The following METTL25 variants were observed in gnomAD, a reference collection of about 807,000 sequenced individuals.
METTL25 encodes probable methyltransferase-like protein 25.
METTL25 carries 64 observed loss-of-function variants against 71.6 expected under a neutral mutation model. That is an observed-to-expected ratio of 0.89 (90% CI 0.73 to 1.10). The LOEUF is 1.10. Ranked by LOEUF, METTL25 falls within the 50% of genes least tolerant of loss-of-function variation. METTL25 has a pLI of 0.00. For missense variants in METTL25, 807 were observed against 707.0 expected (o/e 1.14, Z -1.60); for synonymous variants, 287 against 250.3 (o/e 1.15, Z -1.38).
At chr12:82,404,606 G>T (rs747460818) in intron 5 of METTL25, among the ~76,000 whole-genome samples, 33 of 152,004 alleles carry the variant, frequency 2.2e-4, no homozygotes, top group Admixed American at 3.9e-4. Context: ...TGTTCTGTAG[G>T]TACAATGAAA....
intron 9 of METTL25, among the ~76,000 whole-genome samples, chr12:82,471,621 T>A (rs1478302061): frequency 6.6e-6 from 1 of 152,236 alleles, no homozygotes; most frequent in Non-Finnish European, 1.5e-5. Context: ...TATGTCTAAA[T>A]CTTTTTCATC....
intron 9 of METTL25, chr12:82,468,369 G>A (rs1355179720): frequency 1.3e-5 from 2 of 152,182 alleles, no homozygotes; most frequent in African/African-American, 4.8e-5. Context: ...AAAGACCTTT[G>A]GAGGAAGGGT....
chr12:82,468,579 G>C (rs1892380714), intron 9 of METTL25: 1 of 152,244 alleles, frequency 6.6e-6, no homozygotes, highest in Non-Finnish European at 1.5e-5. Context: ...CTATGATGGA[G>C]AGGTGTCATC....
intron 10 of METTL25, among the ~76,000 whole-genome samples, 197 bp downstream of exon 10, chr12:82,476,915 A>T (rs1365486177): frequency 3.3e-5 from 5 of 151,838 alleles, no homozygotes; most frequent in Admixed American, 6.6e-5. Flanking sequence ...GATTTCTCTT[A>T]AAAAAGTATT....
intron 4 of METTL25, 138 bp from the exon 5 acceptor site, chr12:82,402,845 G>A (rs139483714): frequency 1.6e-4 from 90 of 568,162 alleles, no homozygotes; most frequent in African/African-American, 1.5e-3. Context: ...TCAGTAGCAC[G>A]TGATATTCGT....
intron 9 of METTL25, chr12:82,468,430 A>T (rs1892371504): frequency 1.3e-5 from 2 of 153,698 alleles, no homozygotes; most frequent in Non-Finnish European, 2.9e-5. Context: ...GAAGCTGGAA[A>T]ACTGCCTCCT....
intron 9 of METTL25, among the ~76,000 whole-genome samples, chr12:82,461,341 T>C (rs1054132014): frequency 2.6e-5 from 4 of 152,204 alleles, no homozygotes; most frequent in Admixed American, 1.3e-4. Flanking sequence ...AAAAGCTTTG[T>C]TTATATTATC....
chr12:82,474,987 C>G (rs1184465954), intron 9 of METTL25, among the ~76,000 whole-genome samples: 1 of 152,130 alleles, frequency 6.6e-6, no homozygotes, highest in Non-Finnish European at 1.5e-5. Context: ...ACATAGTTCT[C>G]TAAAGTGTCA....
In METTL25 at chr12:82,359,349, A is replaced by T. The variant is rs528620129; in HGVS notation, c.259+525A>T. On this transcript the variant is annotated intron_variant, in intron 1 of 11. Transcript: ENST00000248306. Reference sequence around the variant, plus strand: ...TTGCAGGCGGTGGGAACCGCAGGCTAGGCTTGGCTCTAGCCAGGTGAGGGG... The same window carrying T: ...TTGCAGGCGGTGGGAACCGCAGGCTTGGCTTGGCTCTAGCCAGGTGAGGGG... Among the ~76,000 whole-genome samples the T allele has an allele frequency of 2.8e-4, 42 of 152,250 alleles. 1 individual carries two copies. In the East Asian group the frequency reaches 8.1e-3, roughly 30 times the overall value.
intron 8 of METTL25, among the ~76,000 whole-genome samples, chr12:82,445,104 G>C (rs983083017): frequency 6.6e-6 from 1 of 152,102 alleles, no homozygotes; most frequent in Admixed American, 6.6e-5. Flanking sequence ...CCACTTATAT[G>C]CAGTATTTTT....
intron 1 of METTL25, among the ~76,000 whole-genome samples, chr12:82,363,563 A>T (rs940471011): frequency 4.6e-5 from 7 of 152,184 alleles, no homozygotes; most frequent in African/African-American, 1.7e-4. Context: ...CAGAGACATC[A>T]GCTGCTGCAC....
chr12:82,381,358 T>G (rs573186444), intron 1 of METTL25, among the ~76,000 whole-genome samples: 27 of 152,226 alleles, frequency 1.8e-4, no homozygotes, highest in Non-Finnish European at 3.5e-4. Flanking sequence ...TTAGGAATGG[T>G]TAAATGCACT....
At chr12:82,461,997 C>T (rs1473766576) in intron 9 of METTL25, among the ~76,000 whole-genome samples, 2 of 152,198 alleles carry the variant, frequency 1.3e-5, no homozygotes, top group Non-Finnish European at 2.9e-5. Flanking sequence ...ACTAAGTAGG[C>T]CCTACTAGGG....
chr12:82,463,175 C>G lies in METTL25; in HGVS notation c.1572+6355C>G, dbSNP rs924156944. 4.6e-5 allele frequency among the ~76,000 whole-genome samples: 7 copies of G among 152,118 alleles called. No individual in the cohort carries two copies. In the South Asian group the frequency reaches 1.0e-3, roughly 23 times the overall value. The stretch of plus-strand genomic sequence containing the variant: ...CTATAGACCACTAGAACTTAATCCT[C>G]TTATCTAGCCATAATTTTATATTCT... On this transcript the variant is annotated intron_variant, in intron 9 of 11. Coordinates refer to ENST00000248306, the MANE Select transcript of METTL25 (RefSeq NM_032230.3).
chr12:82,413,673 A>G (rs945766852), intron 5 of METTL25, among the ~76,000 whole-genome samples: 1 of 152,070 alleles, frequency 6.6e-6, no homozygotes, highest in Non-Finnish European at 1.5e-5. Context: ...TTCTGATGAT[A>G]CCATTCTATA....
rs750075895 is a variant in METTL25, at chr12:82,358,784, C to G, written c.219C>G (p.Pro73=). 1 of 1,613,666 alleles carries G rather than the reference C, an allele frequency of 6.2e-7. No homozygotes were observed. The highest frequency in any genetic ancestry group is 8.5e-7 in the Non-Finnish European group (1 of 1,179,870). The part of the protein sequence containing the change: ...RKSASETEAL[P]SETRPLVEAE... ...CAGCGTCGGAGACGGAGGCCCTGCC[C>G]TCAGAGACGCGCCCCCTAGTGGAAG... is the stretch of plus-strand genomic sequence containing the variant. Residue 73 remains proline (P), a synonymous_variant, in exon 1 of 12, where the codon CCC becomes CCG. Transcript: ENST00000248306.
At chr12:82,362,508 C>T (rs1474814616) in intron 1 of METTL25, among the ~76,000 whole-genome samples, 7 of 152,136 alleles carry the variant, frequency 4.6e-5, no homozygotes, top group African/African-American at 1.2e-4. Flanking sequence ...AGCTGGAGCA[C>T]GCTTGGTGCA....
intron 9 of METTL25, among the ~76,000 whole-genome samples, chr12:82,473,619 C>T (rs569751216): frequency 3.4e-4 from 52 of 152,216 alleles, no homozygotes; most frequent in African/African-American, 1.2e-3. Context: ...GGTAGCTCAG[C>T]GGGTGCAGCA....
chr12:82,394,534 AT>A (rs1452125214), intron 3 of METTL25, among the ~76,000 whole-genome samples: 13 of 152,090 alleles, frequency 8.5e-5, no homozygotes, highest in African/African-American at 2.9e-4. Flanking sequence ...TCATACTTGC[AT>A]GCATTCATTC....
Sources: gnomAD v4.1 joint callset for allele counts (sites outside exome capture counted in the v4.1 genomes callset) on GRCh38, gnomAD v4.1.1 for gene constraint, MANE v1.5 for transcripts, NCBI Gene and HGNC (gene_info 2026-07-23, HGNC 2026-07-21) for gene names.